The following HIBCH variants were observed in gnomAD, a reference collection of about 807,000 sequenced individuals.
The protein encoded by HIBCH is 3-hydroxyisobutyryl-CoA hydrolase.
HIBCH carries 50 observed loss-of-function variants against 58.2 expected under a neutral mutation model. That is an observed-to-expected ratio of 0.86 (90% confidence interval 0.68 to 1.09). HIBCH has a LOEUF of 1.09. HIBCH is among the 50% of genes least tolerant of loss of function. The pLI, the probability that HIBCH is intolerant of heterozygous loss-of-function variation, is 0.00. For missense variants in HIBCH, 450 were observed against 449.7 expected (o/e 1.00, Z -0.01); for synonymous variants, 151 against 146.9 (o/e 1.03, Z -0.20).
chr2:190,273,998 C>T (rs1315061236), intron 6 of HIBCH, among the ~76,000 whole-genome samples: 1 of 152,058 alleles, frequency 6.6e-6, no homozygotes, highest in African/African-American at 2.4e-5. Flanking sequence ...CACAGAGTCT[C>T]GCTATATTGC....
Position 190,302,601 on chromosome 2 carries a change from C to T in HIBCH, c.79-5648G>A, listed in dbSNP as rs115528606. ...GCTTGAAATCAGCAGGGGAAAATTT[C>T]GGCTGGTTTCTGTTTAACTCTTAGG... is the stretch of plus-strand genomic sequence containing the variant. On this transcript the variant is annotated intron_variant, in intron 2 of 13. Coordinates refer to ENST00000359678, the MANE Select transcript of HIBCH (RefSeq NM_014362.4). 7.0e-3 allele frequency among the ~76,000 whole-genome samples: 1,059 copies of T among 152,230 alleles called. 13 individuals are homozygous for T. The highest frequency in any genetic ancestry group is 0.023 in the African/African-American group (954 of 41,518).
At position 190,263,614 on chromosome 2, in the gene HIBCH, T is replaced by A. The variant is rs530781948; in HGVS notation, c.439-2380A>T. 2.6e-5 allele frequency among the ~76,000 whole-genome samples: 4 copies of A among 152,318 alleles called. 1 individual carries two copies. In the South Asian group the frequency reaches 8.3e-4, roughly 32 times the overall value. On this transcript the variant is annotated intron_variant, in intron 6 of 13. Coordinates refer to ENST00000359678, the MANE Select transcript of HIBCH (RefSeq NM_014362.4). ...TAATAAATTATTTCCCCATCCCTGA[T>A]TTCTCTACTCAGCTATTTAACGTCT...
intron 4 of HIBCH, among the ~76,000 whole-genome samples, chr2:190,293,308 C>G (rs2105988328): frequency 6.6e-6 from 1 of 151,544 alleles, no homozygotes; most frequent in African/African-American, 2.4e-5. Flanking sequence ...AAAAAATTAG[C>G]AGGGCATGTT....
chr2:190,271,227 C>A (rs1449930315), intron 6 of HIBCH, among the ~76,000 whole-genome samples: 2 of 150,884 alleles, frequency 1.3e-5, no homozygotes, highest in Admixed American at 1.3e-4. Flanking sequence ...ATCAAGTCTT[C>A]TCCAAAATCT....
chr2:190,287,710 A>C (rs1687866710), intron 5 of HIBCH, 72 bp from the exon 6 acceptor site: 1 of 1,095,302 alleles, frequency 9.1e-7, no homozygotes, highest in Non-Finnish European at 1.4e-6. Flanking sequence ...AAAAAAACCC[A>C]CATTATATAT....
At chr2:190,265,908 C>CTTATCA (rs1395255028) in intron 6 of HIBCH, among the ~76,000 whole-genome samples, 3 of 151,984 alleles carry the variant, frequency 2.0e-5, no homozygotes, top group African/African-American at 7.3e-5. Context: ...TCTTTACCAA[C>CTTATCA]TTATCACTAA....
In HIBCH at chr2:190,306,090, T is replaced by G. The variant is rs1300462953; in HGVS notation, c.78+4664A>C. 1.3e-5 allele frequency among the ~76,000 whole-genome samples: 2 copies of G among 152,202 alleles called. No homozygotes were observed. The highest frequency in any genetic ancestry group is 2.1e-4 in the South Asian group (1 of 4,828). ...TGTCACTACTACAGATAAAGCTGTCTTATTTTTTTTCTATGTTTCTATGGT... is the reference window on the plus strand; with the variant it reads ...TGTCACTACTACAGATAAAGCTGTCGTATTTTTTTTCTATGTTTCTATGGT... On this transcript the variant is annotated intron_variant, in intron 2 of 13. Coordinates refer to ENST00000359678, the MANE Select transcript of HIBCH (RefSeq NM_014362.4). This position sits in a 1 kb window ranked among gnomAD's most constrained non-coding sequence, Gnocchi z 4.6.
At chr2:190,198,838 C>T (rs900820424) in intron 1 of HIBCH, among the ~76,000 whole-genome samples, 3 of 152,026 alleles carry the variant, frequency 2.0e-5, no homozygotes, top group Admixed American at 6.5e-5. Flanking sequence ...AAGAGGAGTT[C>T]ATTCTGTGAT....
intron 4 of HIBCH, among the ~76,000 whole-genome samples, chr2:190,294,147 T>A (rs994804847): frequency 6.6e-6 from 1 of 151,110 alleles, no homozygotes; most frequent in Admixed American, 6.6e-5. Flanking sequence ...TGGAAATATG[T>A]GAGAGCATGT....
chr2:190,196,946 T>TC (rs2105885013), intron 1 of HIBCH, among the ~76,000 whole-genome samples: 2 of 152,284 alleles, frequency 1.3e-5, no homozygotes, highest in Admixed American at 1.3e-4. Flanking sequence ...CAGATTTATT[T>TC]CTCATGGTTC....
chr2:190,200,160 G>A, downstream of HIBCH: 1 of 1,610,048 alleles, frequency 6.2e-7, no homozygotes, highest in Non-Finnish European at 8.5e-7. Context: ...GCTGTAGGAT[G>A]ACAACACTTT....
intron 6 of HIBCH, among the ~76,000 whole-genome samples, chr2:190,265,439 G>C (rs576376746): frequency 6.8e-6 from 1 of 147,326 alleles, no homozygotes; most frequent in Non-Finnish European, 1.5e-5. Context: ...TGAAACGTCT[G>C]TTCCAATCTT....
rs964590601 is a variant in HIBCH at position 190,254,741 on chromosome 2, C to T, written c.518-2434G>A. Reference sequence around the variant, plus strand: ...ACCAGCAAGTCAGTTAAGCCCAAAACATGTTTCAAATCTATTCACTCTTTT... The same window carrying T: ...ACCAGCAAGTCAGTTAAGCCCAAAATATGTTTCAAATCTATTCACTCTTTT... On this transcript the variant is annotated intron_variant, in intron 7 of 13. Coordinates refer to ENST00000359678, the MANE Select transcript of HIBCH (RefSeq NM_014362.4). The surrounding 1 kb of genome is among the most constrained non-coding windows in gnomAD (Gnocchi z 5.0). Among the ~76,000 whole-genome samples, 3 of 152,158 alleles carry T rather than the reference C, an allele frequency of 2.0e-5. No individual in the cohort carries two copies. Among genetic ancestry groups the T allele is most frequent in the African/African-American group, 7.2e-5 (3 of 41,438 alleles).
intron 13 of HIBCH, among the ~76,000 whole-genome samples, chr2:190,208,133 G>A (rs1194716315): frequency 6.6e-6 from 1 of 152,146 alleles, no homozygotes; most frequent in East Asian, 1.9e-4. Flanking sequence ...GCTGACATTG[G>A]AGATTATAAG....
chr2:190,266,279 T>A (rs944819687), intron 6 of HIBCH, among the ~76,000 whole-genome samples: 42 of 152,220 alleles, frequency 2.8e-4, no homozygotes, highest in Non-Finnish European at 2.5e-4. Context: ...ATTCAAATAA[T>A]GTGTGTGCAT....
intron 12 of HIBCH, among the ~76,000 whole-genome samples, chr2:190,212,308 T>C (rs997377647): frequency 1.3e-5 from 2 of 152,238 alleles, no homozygotes; most frequent in Non-Finnish European, 2.9e-5. Flanking sequence ...GAATGTCTCC[T>C]TTCTGGCTAT....
Position 190,214,773 on chromosome 2 carries a change from C to G in HIBCH, c.892-1698G>C, listed in dbSNP as rs1690591372. ...GGATCCCCAACACGCTTGCCCCTCC[C>G]CCAAACATCTCACAAGGTAGAGGAC... On this transcript the variant is annotated intron_variant, in intron 11 of 13. Transcript: ENST00000359678. This position sits in a 1 kb window ranked among gnomAD's most constrained non-coding sequence, Gnocchi z 5.5. The G allele has an allele frequency of 1.3e-5, 2 of 152,238 alleles. No homozygotes were observed. Among genetic ancestry groups the G allele is most frequent in the South Asian group, 4.1e-4 (2 of 4,820 alleles). The allele number at this position is 152,238 out of a possible 1,614,324, so 9.4% of individuals were successfully genotyped here.
chr2:190,286,192 G>A (rs1687823187), intron 6 of HIBCH, among the ~76,000 whole-genome samples: 1 of 152,138 alleles, frequency 6.6e-6, no homozygotes, highest in African/African-American at 2.4e-5. Context: ...TATACCTGGA[G>A]GAAAGGAATG....
chr2:190,277,072 T>C (rs1274149427), intron 6 of HIBCH, among the ~76,000 whole-genome samples: 2 of 152,200 alleles, frequency 1.3e-5, no homozygotes, highest in Admixed American at 1.3e-4. Flanking sequence ...AGATGTTTTA[T>C]ATAAATGGCA....
Sources: gnomAD v4.1 joint callset for allele counts (sites outside exome capture counted in the v4.1 genomes callset) on GRCh38, gnomAD v4.1.1 for gene constraint, Gnocchi (gnomAD v3.1) non-coding constraint, MANE v1.5 for transcripts, NCBI Gene and HGNC (gene_info 2026-07-23, HGNC 2026-07-21) for gene names.